SP140: variants seen among roughly 807,000 people sequenced by gnomAD.
The protein encoded by SP140 is nuclear body protein SP140.
In SP140, 81 loss-of-function variants were observed where a neutral mutation model predicts 125.0. The observed-to-expected ratio is 0.65, with a 90% CI of 0.54 to 0.78. The LOEUF is 0.78. Among genes scored for constraint, SP140 ranks in the 30% least tolerant of loss-of-function variants. SP140 has a pLI of 0.00. For synonymous variants in SP140, 312 were observed against 354.0 expected, an observed-to-expected ratio of 0.88 and a Z score of 1.33; for missense variants, 858 against 1,037.0, an observed-to-expected ratio of 0.83 and a Z score of 2.37.
intron 17 of SP140, among the ~76,000 whole-genome samples, chr2:230,286,676 G>A (rs2056423023): frequency 6.6e-6 from 1 of 152,140 alleles, no homozygotes; most frequent in Admixed American, 6.5e-5. Flanking sequence ...GTGAGTGAAG[G>A]GCTGAACCTG....
At chr2:230,199,169 G>T (rs1339816347), upstream of SP140, among the ~76,000 whole-genome samples, 1 of 147,236 alleles carries the variant, frequency 6.8e-6, no homozygotes, top group Non-Finnish European at 1.5e-5. Flanking sequence ...TTTTTAGTGG[G>T]GTGAGGTTTG....
At chr2:230,304,053 A>G (rs1016458528) in intron 22 of SP140, among the ~76,000 whole-genome samples, 1 of 152,242 alleles carries the variant, frequency 6.6e-6, no homozygotes, top group Admixed American at 6.5e-5. Flanking sequence ...GAATTCAGTA[A>G]AGCTTCAGGA....
intron 3 of SP140, among the ~76,000 whole-genome samples, chr2:230,219,043 G>T (rs760165396): frequency 5.3e-5 from 8 of 152,148 alleles, no homozygotes; most frequent in Non-Finnish European, 1.2e-4. Context: ...TGGCCAACAT[G>T]GTGAAACCCT....
intron 26 of SP140, 68 bp from the exon 27 acceptor site, chr2:230,312,518 C>T: frequency 2.0e-6 from 2 of 1,012,278 alleles, no homozygotes; most frequent in Non-Finnish European, 3.0e-6. Flanking sequence ...CCTGATCATT[C>T]TCAGTTGAAA....
chr2:230,239,130 CCTTGATT>C, intron 3 of SP140: 1 of 1,019,454 alleles, frequency 9.8e-7, no homozygotes, highest in Non-Finnish European at 1.3e-6. Flanking sequence ...GAATACTATA[CCTTGATT>C]CAAAAAAGAG....
intron 9 of SP140, among the ~76,000 whole-genome samples, chr2:230,250,268 C>T (rs777654035): frequency 4.6e-5 from 7 of 152,142 alleles, no homozygotes; most frequent in South Asian, 2.1e-4. Flanking sequence ...CCCTTAGACG[C>T]GGTGATCTTT....
Position 230,253,420 on chromosome 2 carries a change from A to G in SP140, c.1159+3A>G, listed in dbSNP as rs2050682888. 1 of 1,582,320 alleles carries G rather than the reference A, an allele frequency of 6.3e-7. No individual in the cohort carries two copies. Among genetic ancestry groups the G allele is most frequent in the Non-Finnish European group, 8.7e-7 (1 of 1,151,222 alleles). ...TCTACTACCAGGTGAAGGAGAAGGT[A>G]ATTATGATGTACATTTTTAGGTATT... On this transcript the variant is annotated splice_donor_region_variant and intron_variant, in intron 11 of 26. Transcript: ENST00000392045.
At chr2:230,258,278 G>A (rs994487485) in intron 12 of SP140, among the ~76,000 whole-genome samples, 1 of 152,146 alleles carries the variant, frequency 6.6e-6, no homozygotes, top group Non-Finnish European at 1.5e-5. Flanking sequence ...CCCCTTCACT[G>A]AGTAGGAGTT....
chr2:230,272,070 A>C (rs1472018089), intron 15 of SP140, among the ~76,000 whole-genome samples: 1 of 152,226 alleles, frequency 6.6e-6, no homozygotes, highest in Non-Finnish European at 1.5e-5. Context: ...CAGATGACAC[A>C]AACAAATGGA....
chr2:230,215,650 C>T (rs771129603), intron 3 of SP140, among the ~76,000 whole-genome samples: 124 of 152,236 alleles, frequency 8.1e-4, no homozygotes, highest in Admixed American at 9.2e-4. Context: ...AGGAGAAATA[C>T]GGCAAGAGAG....
chr2:230,207,861 C>T (rs1423372562), intron 1 of SP140: 5 of 667,836 alleles, frequency 7.5e-6, no homozygotes, highest in Non-Finnish European at 1.4e-5. Flanking sequence ...CATTGTGTCA[C>T]TTCACTGACT....
intron 22 of SP140, among the ~76,000 whole-genome samples, chr2:230,305,012 G>A (rs1033402579): frequency 3.3e-5 from 5 of 152,086 alleles, no homozygotes; most frequent in African/African-American, 9.7e-5. Flanking sequence ...TGCATCCGAC[G>A]GAGGACTAAT....
At chr2:230,215,670 C>T (rs930530544) in intron 3 of SP140, among the ~76,000 whole-genome samples, 9 of 152,168 alleles carry the variant, frequency 5.9e-5, no homozygotes, top group Non-Finnish European at 1.2e-4. Context: ...GAACTGATTG[C>T]AAATAATTAT....
chr2:230,241,596 G>T lies in SP140; in HGVS notation c.490+109G>T. 4.4e-6 allele frequency: 3 copies of T among 686,552 alleles called. No homozygotes were observed. The Middle Eastern group carries it at 9.0e-4, about 205-fold the overall frequency. 42.5% of individuals were successfully genotyped at this position (686,552 alleles called of 1,614,324 possible). A position where few individuals can be genotyped will look rare whatever the true frequency, so the allele number is the denominator to read the frequency against. The stretch of plus-strand genomic sequence containing the variant: ...TGTCTTAGCCCTCTGTTATCTCCCA[G>T]TCCTCCTCCCCTCACACAGCCATGT... On this transcript the variant is annotated intron_variant, in intron 4 of 26. Coordinates refer to ENST00000392045, the MANE Select transcript of SP140 (RefSeq NM_007237.5).
chr2:230,203,180 A>T (rs1174106488), exon 1 of SP140: 1 of 192,102 alleles, frequency 5.2e-6, no homozygotes, highest in Admixed American at 5.3e-5. Flanking sequence ...TATTAAAAAA[A>T]CTGAGAGGGA....
chr2:230,186,683 A>C, the SP140 span, among the ~76,000 whole-genome samples: 1 of 152,040 alleles, frequency 6.6e-6, no homozygotes, highest in Admixed American at 6.6e-5. Context: ...GAGTCTCCAT[A>C]ATCCGTTATA....
intron 21 of SP140, among the ~76,000 whole-genome samples, chr2:230,294,618 T>G (rs1260127760): frequency 6.6e-6 from 1 of 152,208 alleles, no homozygotes; most frequent in East Asian, 1.9e-4. Flanking sequence ...AGTGTCCAAG[T>G]TGGAAAGTCA....
At chr2:230,264,009 G>A (rs1017990663) in intron 12 of SP140, among the ~76,000 whole-genome samples, 7 of 152,146 alleles carry the variant, frequency 4.6e-5, no homozygotes, top group African/African-American at 1.7e-4. Flanking sequence ...GTATTTGGAT[G>A]TCTAGGTCTC....
chr2:230,314,719 C>T (rs1047551041), downstream of SP140, among the ~76,000 whole-genome samples: 1 of 152,246 alleles, frequency 6.6e-6, no homozygotes, highest in Non-Finnish European at 1.5e-5. Context: ...ATCCATCCAT[C>T]AGGTGACTGA....
Sources: gnomAD v4.1 joint callset for allele counts (sites outside exome capture counted in the v4.1 genomes callset) on GRCh38, gnomAD v4.1.1 for gene constraint, MANE v1.5 for transcripts, NCBI Gene and HGNC (gene_info 2026-07-23, HGNC 2026-07-21) for gene names.